The following SLC16A10 variants were observed in gnomAD, a reference collection of about 807,000 sequenced individuals.
SLC16A10 encodes monocarboxylate transporter 10.
In SLC16A10, 27 loss-of-function variants were observed where a neutral mutation model predicts 40.0. The observed-to-expected ratio is 0.67, with a 90% CI of 0.50 to 0.93. The LOEUF (loss-of-function observed/expected upper bound fraction) is 0.93. Among genes scored for constraint, SLC16A10 ranks in the 40% least tolerant of loss-of-function variants. The pLI is 0.00. For synonymous variants in SLC16A10, 213 were observed against 249.8 expected (o/e 0.85, Z 1.39); for missense variants, 529 against 658.2 (o/e 0.80, Z 2.15).
At chr6:111,124,297 A>G (rs925213348) in intron 1 of SLC16A10, among the ~76,000 whole-genome samples, 36 of 149,806 alleles carry the variant, frequency 2.4e-4, no homozygotes, top group African/African-American at 8.5e-4. Context: ...TAACTTTTAT[A>G]CTTATAGTTA....
intron 1 of SLC16A10, among the ~76,000 whole-genome samples, chr6:111,125,992 A>C (rs1042101486): frequency 6.6e-6 from 1 of 152,202 alleles, no homozygotes; most frequent in Non-Finnish European, 1.5e-5. Context: ...ACAGACATAG[A>C]AATTAGTAAC....
At position 111,222,363 on chromosome 6, in the gene SLC16A10, A is replaced by G; in HGVS notation, c.*128A>G. ...CTAGGAATAGCACAATAATTGGGAA[A>G]TAGAACCCTTATCACTAGAAGAACC... On this transcript the variant is annotated 3_prime_UTR_variant, in exon 6 of 6. Transcript: ENST00000368851. 8.1e-7 allele frequency: 1 copy of G among 1,239,256 alleles called. No individual in the cohort carries two copies. Among genetic ancestry groups the G allele is most frequent in the Non-Finnish European group, 1.1e-6 (1 of 937,016 alleles). 76.8% of individuals were successfully genotyped at this position (1,239,256 alleles called of 1,614,324 possible).
chr6:111,153,721 G>T (rs945958481), intron 1 of SLC16A10, among the ~76,000 whole-genome samples: 1 of 152,158 alleles, frequency 6.6e-6, no homozygotes, highest in African/African-American at 2.4e-5. Context: ...TTCACCTGAG[G>T]TTGCTTCAAA....
chr6:111,170,178 A>G (rs1409963464), intron 1 of SLC16A10, among the ~76,000 whole-genome samples: 1 of 151,840 alleles, frequency 6.6e-6, no homozygotes, highest in Non-Finnish European at 1.5e-5. Context: ...GATCTCCCAA[A>G]GTGCTGGGAT....
intron 1 of SLC16A10, among the ~76,000 whole-genome samples, chr6:111,139,544 C>T (rs1188326330): frequency 6.6e-6 from 1 of 152,186 alleles, no homozygotes; most frequent in African/African-American, 2.4e-5. Context: ...TGGTGATCTG[C>T]CTGCCTCGGC....
At chr6:111,155,022 CAAAA>C (rs397888706) in intron 1 of SLC16A10, among the ~76,000 whole-genome samples, 3 of 53,454 alleles carry the variant, frequency 5.6e-5, no homozygotes, top group African/African-American at 1.4e-4. Context: ...GACTCCATCT[CAAAA>C]AAAAAAAAAA....
At chr6:111,113,083 T>A (rs1490148358) in intron 1 of SLC16A10, among the ~76,000 whole-genome samples, 1 of 152,162 alleles carries the variant, frequency 6.6e-6, no homozygotes, top group African/African-American at 2.4e-5. Context: ...AAATATTAAA[T>A]TTTAAAAGAT....
intron 1 of SLC16A10, among the ~76,000 whole-genome samples, chr6:111,168,373 G>A (rs967423242): frequency 1.3e-5 from 2 of 152,188 alleles, no homozygotes; most frequent in Non-Finnish European, 2.9e-5. Flanking sequence ...CTTAATAGAA[G>A]TACTACCTTA....
intron 1 of SLC16A10, among the ~76,000 whole-genome samples, chr6:111,151,610 C>T (rs1281536810): frequency 6.6e-6 from 1 of 152,120 alleles, no homozygotes; most frequent in Non-Finnish European, 1.5e-5. Context: ...TCTAAAATAC[C>T]GTTTGATCAT....
intron 1 of SLC16A10, among the ~76,000 whole-genome samples, chr6:111,125,117 A>C (rs1440425681): frequency 6.6e-6 from 1 of 152,210 alleles, no homozygotes; most frequent in African/African-American, 2.4e-5. Flanking sequence ...ACCCTGAATT[A>C]GTGTTTATTT....
At chr6:111,205,820 C>G (rs1432705910) in intron 3 of SLC16A10, among the ~76,000 whole-genome samples, 1 of 152,158 alleles carries the variant, frequency 6.6e-6, no homozygotes, top group African/African-American at 2.4e-5. Flanking sequence ...GGTAGAGGAC[C>G]TTATGCTTTA....
intron 3 of SLC16A10, among the ~76,000 whole-genome samples, chr6:111,188,246 T>TCTCTCTCC (rs146358093): frequency 1.0e-3 from 154 of 151,234 alleles, no homozygotes; most frequent in South Asian, 1.5e-3. Flanking sequence ...TCATTTACTT[T>TCTCTCTCC]CTCTCTCCCT....
chr6:111,198,212 G>A (rs142672483), intron 3 of SLC16A10, among the ~76,000 whole-genome samples: 5 of 152,210 alleles, frequency 3.3e-5, no homozygotes, highest in Admixed American at 6.5e-5. Flanking sequence ...TCTTGAACCC[G>A]TGGGCAGAGG....
In SLC16A10 at chr6:111,087,665, C is replaced by T; in HGVS notation, c.-88C>T. ...CGCCCTCGCCTCGGCCTCGTTAGCC[C>T]GCCAGGAGCCCCGCAGCTCCTCCGG... On this transcript the variant is annotated 5_prime_UTR_variant, in exon 1 of 6. Coordinates refer to ENST00000368851, the MANE Select transcript of SLC16A10 (RefSeq NM_018593.5). 1.3e-6 allele frequency: 1 copy of T among 799,602 alleles called. No individual in the cohort carries two copies. Among genetic ancestry groups the T allele is most frequent in the Non-Finnish European group, 1.6e-6 (1 of 606,784 alleles). The allele number at this position is 799,602 out of a possible 1,614,324, so 49.5% of individuals were successfully genotyped here.
At chr6:111,164,614 A>G (rs935434169) in intron 1 of SLC16A10, among the ~76,000 whole-genome samples, 1 of 152,098 alleles carries the variant, frequency 6.6e-6, no homozygotes, top group Admixed American at 6.5e-5. Flanking sequence ...AAAATAAAAA[A>G]ATTAGTTGGT....
At chr6:111,213,018 C>T (rs903094133) in intron 4 of SLC16A10, among the ~76,000 whole-genome samples, 1 of 152,038 alleles carries the variant, frequency 6.6e-6, no homozygotes, top group African/African-American at 2.4e-5. Context: ...TAAATTACTA[C>T]AGATTTGTGT....
chr6:111,210,769 G>T (rs1353470378), intron 4 of SLC16A10, among the ~76,000 whole-genome samples: 1 of 152,178 alleles, frequency 6.6e-6, no homozygotes, highest in Non-Finnish European at 1.5e-5. Flanking sequence ...GGGCGCAGTG[G>T]TTCACGCCTG....
intron 1 of SLC16A10, among the ~76,000 whole-genome samples, chr6:111,158,362 G>A (rs936989948): frequency 1.3e-5 from 2 of 152,164 alleles, no homozygotes; most frequent in Non-Finnish European, 2.9e-5. Context: ...ACTAGGGACT[G>A]GTTTCATGGA....
At chr6:111,206,169 C>T (rs937013741) in intron 3 of SLC16A10, among the ~76,000 whole-genome samples, 7 of 149,574 alleles carry the variant, frequency 4.7e-5, no homozygotes, top group African/African-American at 1.5e-4. Context: ...CTCTGCCTCC[C>T]GGGTTCAAGC....
Sources: allele counts gnomAD v4.1 joint callset (sites outside exome capture counted in the v4.1 genomes callset), GRCh38; gene constraint gnomAD v4.1.1; transcripts MANE v1.5; gene names NCBI Gene and HGNC (gene_info 2026-07-23, HGNC 2026-07-21).